SDHAF3: variants seen among roughly 807,000 people sequenced by gnomAD.
SDHAF3 encodes succinate dehydrogenase complex assembly factor 3.
SDHAF3 carries 18 observed loss-of-function variants against 11.5 expected under a neutral mutation model. The observed-to-expected ratio is 1.56, with a 90% CI of 1.08 to 2.32. The LOEUF (loss-of-function observed/expected upper bound fraction) is 2.32, where lower values mean the gene tolerates loss of function less well. Ranked by LOEUF, SDHAF3 falls within the 30% of genes most tolerant of loss-of-function variation. The pLI is 0.00. For missense variants in SDHAF3, 200 were observed against 154.4 expected (o/e 1.30, Z -1.57); for synonymous variants, 72 against 59.3 (o/e 1.21, Z -0.99).
At chr7:97,161,752 G>A (rs527896426) in intron 1 of SDHAF3, among the ~76,000 whole-genome samples, 20 of 152,168 alleles carry the variant, frequency 1.3e-4, no homozygotes, top group Admixed American at 8.5e-4. Context: ...ATGCCCCTGC[G>A]AAGGACATAA....
intron 1 of SDHAF3, among the ~76,000 whole-genome samples, chr7:97,168,975 A>G (rs764559646): frequency 3.9e-5 from 6 of 152,370 alleles, no homozygotes; most frequent in Non-Finnish European, 7.3e-5. Context: ...TTGGTTAATT[A>G]GAATAACAAA....
intron 1 of SDHAF3, among the ~76,000 whole-genome samples, chr7:97,130,167 G>A (rs1791645204): frequency 1.3e-5 from 2 of 151,980 alleles, no homozygotes; most frequent in Admixed American, 1.3e-4. Context: ...AGCTACTCAG[G>A]AGGCTAAGGC....
At chr7:97,166,994 A>G (rs1355565034) in intron 1 of SDHAF3, among the ~76,000 whole-genome samples, 2 of 151,924 alleles carry the variant, frequency 1.3e-5, no homozygotes, top group South Asian at 2.1e-4. Flanking sequence ...TGACTGATCT[A>G]GGCACTTTCT....
chr7:97,144,974 C>T (rs1789113991), intron 1 of SDHAF3, among the ~76,000 whole-genome samples: 1 of 151,744 alleles, frequency 6.6e-6, no homozygotes, highest in Non-Finnish European at 1.5e-5. Context: ...TCTGTGATTT[C>T]TCTCAGCAGT....
chr7:97,141,195 A>G (rs1193619864), intron 1 of SDHAF3, among the ~76,000 whole-genome samples: 3 of 152,156 alleles, frequency 2.0e-5, no homozygotes, highest in Non-Finnish European at 4.4e-5. Flanking sequence ...CTGTCTCCTG[A>G]TAAGATGTTA....
chr7:97,146,340 G>C (rs1789134900), intron 1 of SDHAF3, among the ~76,000 whole-genome samples: 1 of 152,064 alleles, frequency 6.6e-6, no homozygotes, highest in South Asian at 2.1e-4. Flanking sequence ...TTTGAAATGT[G>C]TATTTATTGA....
intron 1 of SDHAF3, among the ~76,000 whole-genome samples, chr7:97,134,348 A>G (rs1395106398): frequency 1.3e-5 from 2 of 152,362 alleles, no homozygotes; most frequent in South Asian, 2.1e-4. Flanking sequence ...ATAACTCTGG[A>G]TTACTGGTGA....
At chr7:97,159,973 A>G (rs1562828462) in intron 1 of SDHAF3, among the ~76,000 whole-genome samples, 1 of 152,202 alleles carries the variant, frequency 6.6e-6, no homozygotes, top group African/African-American at 2.4e-5. Context: ...TGCTATCCTG[A>G]TGACATTAGG....
At chr7:97,145,937 T>C (rs1356082344) in intron 1 of SDHAF3, among the ~76,000 whole-genome samples, 1 of 152,120 alleles carries the variant, frequency 6.6e-6, no homozygotes, top group East Asian at 1.9e-4. Context: ...ACATGATTGT[T>C]TTTGAGTAAA....
At chr7:97,133,539 A>G (rs1791701257) in intron 1 of SDHAF3, among the ~76,000 whole-genome samples, 1 of 152,142 alleles carries the variant, frequency 6.6e-6, no homozygotes, top group South Asian at 2.1e-4. Context: ...TACTGAATGC[A>G]TATTGTAAGT....
Position 97,181,687 on chromosome 7 carries a change from A to G in SDHAF3, c.*472A>G, listed in dbSNP as rs1229534344. 2 of 154,020 alleles carry G rather than the reference A, an allele frequency of 1.3e-5. No individual in the cohort carries two copies. The highest frequency in any genetic ancestry group is 1.3e-4 in the Admixed American group (2 of 15,632). 9.5% of individuals were successfully genotyped at this position (154,020 alleles called of 1,614,324 possible). ...CTCCCTGCATCACTGTTCATTCACA[A>G]TGAAAGGTTAGGAAGAAGCTTTAAA... is the stretch of plus-strand genomic sequence containing the variant. On this transcript the variant is annotated 3_prime_UTR_variant, in exon 2 of 2. Transcript: ENST00000432641.
intron 1 of SDHAF3, among the ~76,000 whole-genome samples, chr7:97,146,662 A>G (rs915622914): frequency 6.6e-6 from 1 of 152,116 alleles, no homozygotes; most frequent in African/African-American, 2.4e-5. Flanking sequence ...AGAGAAAACT[A>G]TTCTGCTATA....
intron 1 of SDHAF3, among the ~76,000 whole-genome samples, chr7:97,145,688 T>A (rs1303739485): frequency 6.6e-6 from 1 of 152,222 alleles, no homozygotes; most frequent in Non-Finnish European, 1.5e-5. Flanking sequence ...AATGACCACT[T>A]CATGGTCTCA....
intron 1 of SDHAF3, among the ~76,000 whole-genome samples, chr7:97,135,983 G>A (rs749039810): frequency 1.6e-4 from 24 of 151,804 alleles, no homozygotes; most frequent in East Asian, 5.8e-4. Context: ...CACCATGCCC[G>A]GGCTAGTCCC....
chr7:97,118,000 G>C, intron 1 of SDHAF3, 103 bp downstream of exon 1: 2 of 1,390,932 alleles, frequency 1.4e-6, no homozygotes, highest in Non-Finnish European at 2.0e-6. Context: ...GCAGCAACCT[G>C]TTCTGTTTGA....
At chr7:97,168,731 T>TG (rs1182515570) in intron 1 of SDHAF3, among the ~76,000 whole-genome samples, 1 of 152,222 alleles carries the variant, frequency 6.6e-6, no homozygotes, top group Non-Finnish European at 1.5e-5. Flanking sequence ...TTCATACACT[T>TG]GGCTTTTGTG....
At chr7:97,154,815 T>C (rs1022082697) in intron 1 of SDHAF3, among the ~76,000 whole-genome samples, 1 of 152,234 alleles carries the variant, frequency 6.6e-6, no homozygotes, top group African/African-American at 2.4e-5. Flanking sequence ...CTTTTCCATA[T>C]GATTTGAAGT....
At position 97,132,390 on chromosome 7, in the gene SDHAF3, G is replaced by A. The variant is rs118168155; in HGVS notation, c.174+14493G>A. 1.0e-3 allele frequency among the ~76,000 whole-genome samples: 158 copies of A among 151,866 alleles called. No individual in the cohort carries two copies. The East Asian group carries it at 0.022, about 21-fold the overall frequency. On this transcript the variant is annotated intron_variant, in intron 1 of 1. Transcript: ENST00000432641. Reference sequence around the variant, plus strand: ...ATGTATCTAAGTATTTCTTTTTTACGTAACCGTTAGAAAAAATATTTGGAG... The same window carrying A: ...ATGTATCTAAGTATTTCTTTTTTACATAACCGTTAGAAAAAATATTTGGAG...
chr7:97,177,427 G>A (rs542709862), intron 1 of SDHAF3, among the ~76,000 whole-genome samples: 5 of 151,974 alleles, frequency 3.3e-5, no homozygotes, highest in Non-Finnish European at 2.9e-5. Context: ...GTGTGAACCC[G>A]GGAGGCACAG....
Sources: gnomAD v4.1 joint callset for allele counts (sites outside exome capture counted in the v4.1 genomes callset) on GRCh38, gnomAD v4.1.1 for gene constraint, MANE v1.5 for transcripts, NCBI Gene and HGNC (gene_info 2026-07-23, HGNC 2026-07-21) for gene names.